The following NTRK3 variants were observed in gnomAD, a reference collection of about 807,000 sequenced individuals.
The protein encoded by NTRK3 is neurotrophic receptor tyrosine kinase 3.
A neutral mutation model predicts 91.7 loss-of-function variants in NTRK3; 24 were observed. That is an observed-to-expected ratio of 0.26 (90% confidence interval 0.19 to 0.37). The LOEUF is 0.37. Among genes scored for constraint, NTRK3 ranks in the 10% least tolerant of loss-of-function variants. NTRK3 has a pLI of 1.00. For missense variants in NTRK3, 880 were observed against 1,068.9 expected (o/e 0.82, Z 2.46); for synonymous variants, 483 against 404.0 (o/e 1.20, Z -2.34).
At chr15:87,932,812 C>A (rs1196572227) in intron 16 of NTRK3, among the ~76,000 whole-genome samples, 200 bp downstream of exon 16, 1 of 152,180 alleles carries the variant, frequency 6.6e-6, no homozygotes, top group Non-Finnish European at 1.5e-5. Context: ...GTATCCTCAA[C>A]TTGTTTTCCC....
intron 17 of NTRK3, among the ~76,000 whole-genome samples, chr15:87,920,351 T>G (rs905029112): frequency 2.0e-5 from 3 of 152,232 alleles, no homozygotes; most frequent in Non-Finnish European, 2.9e-5. Flanking sequence ...TCACCTGAGA[T>G]GTGCATATCA....
chr15:88,256,240 CAA>C (rs2054048056), intron 2 of NTRK3, 42 bp downstream of exon 2: 1 of 443,444 alleles, frequency 2.3e-6, no homozygotes, highest in South Asian at 3.4e-5. Context: ...GGGAAGGAAA[CAA>C]AGACGGCGAG....
intron 14 of NTRK3, among the ~76,000 whole-genome samples, chr15:87,965,205 G>C (rs1022038739): frequency 6.6e-6 from 1 of 152,174 alleles, no homozygotes; most frequent in African/African-American, 2.4e-5. Context: ...TGGGATGGTG[G>C]ATAATTTATG....
At chr15:88,061,058 T>C (rs951290126) in intron 13 of NTRK3, among the ~76,000 whole-genome samples, 7 of 152,128 alleles carry the variant, frequency 4.6e-5, no homozygotes, top group East Asian at 3.9e-4. Context: ...AGGTACTTCA[T>C]TGATTTTTAT....
chr15:88,047,116 C>T (rs1390381106), intron 13 of NTRK3, among the ~76,000 whole-genome samples: 1 of 152,160 alleles, frequency 6.6e-6, no homozygotes, highest in Non-Finnish European at 1.5e-5. Context: ...GCATGCCCAC[C>T]AGCAGACCCT....
rs2141953667 is a variant in NTRK3, at chr15:87,933,010, A to G, written c.1889+2T>C. 1 of 1,614,006 alleles carries G rather than the reference A, an allele frequency of 6.2e-7. No homozygotes were observed. Among genetic ancestry groups the G allele is most frequent in the Non-Finnish European group, 8.5e-7 (1 of 1,179,988 alleles). ...GTGCAGGGGAAGACAATCCTTGCTT[A>G]CCTGAGGAACTTATTCAGGTCTCCA... On this transcript the variant is annotated splice_donor_variant, in intron 16 of 18. Coordinates refer to ENST00000394480, the Ensembl canonical transcript of NTRK3. LOFTEE classifies it high-confidence loss of function.
At chr15:87,884,255 T>C (rs1338408919) in intron 17 of NTRK3, among the ~76,000 whole-genome samples, 1 of 151,580 alleles carries the variant, frequency 6.6e-6, no homozygotes, top group Non-Finnish European at 1.5e-5. Flanking sequence ...TTTGAAAGTA[T>C]ACATGCATTA....
chr15:87,988,477 T>C (rs1178161437), intron 14 of NTRK3, among the ~76,000 whole-genome samples: 1 of 152,208 alleles, frequency 6.6e-6, no homozygotes, highest in East Asian at 1.9e-4. Context: ...AAATGTATCA[T>C]GGTGATATAG....
intron 3 of NTRK3, among the ~76,000 whole-genome samples, chr15:88,236,069 G>A (rs115634065): frequency 0.016 from 2,400 of 152,234 alleles, 69 homozygotes; most frequent in African/African-American, 0.053. Context: ...AAATTTATCA[G>A]ACATCCCAGA....
chr15:88,062,335 A>C (rs574797697), intron 13 of NTRK3, among the ~76,000 whole-genome samples: 15 of 152,372 alleles, frequency 9.8e-5, no homozygotes, highest in Admixed American at 9.1e-4. Context: ...ATTGACTAGC[A>C]GGTGCCTCCT....
chr15:87,958,172 G>T lies in NTRK3; in HGVS notation c.1586-17419C>A, dbSNP rs545135374. On this transcript the variant is annotated intron_variant, in intron 14 of 18. Coordinates refer to ENST00000394480, the Ensembl canonical transcript of NTRK3. ...CAGGGGCATAAAATACTGCATAAAA[G>T]GCGTGTTTCACATACAGGATGAAGA... 2.6e-5 allele frequency among the ~76,000 whole-genome samples: 4 copies of T among 152,274 alleles called. No homozygotes were observed. In the East Asian group the frequency reaches 7.7e-4, roughly 29 times the overall value.
chr15:87,908,273 A>G (rs2066891474), intron 17 of NTRK3, among the ~76,000 whole-genome samples: 1 of 151,940 alleles, frequency 6.6e-6, no homozygotes, highest in Non-Finnish European at 1.5e-5. Context: ...ACCCCCCACC[A>G]TGCTGTCTCC....
chr15:88,141,084 G>T lies in NTRK3; in HGVS notation c.465-3523C>A, dbSNP rs886786782. Among the ~76,000 whole-genome samples the T allele has an allele frequency of 1.8e-4, 27 of 152,240 alleles. 1 individual carries two copies. The highest frequency in any genetic ancestry group is 4.1e-4 in the African/African-American group (17 of 41,540). On this transcript the variant is annotated intron_variant, in intron 6 of 18. Transcript: ENST00000394480. Reference sequence around the variant, plus strand: ...CAGAAAGGAAGAGAGGACACATTACGAATGAGGTTGGGATGGGGGTGAGGC... The same window carrying T: ...CAGAAAGGAAGAGAGGACACATTACTAATGAGGTTGGGATGGGGGTGAGGC...
exon 14 of NTRK3, chr15:88,032,984 G>C (rs2229909): frequency 1.2e-6 from 2 of 1,609,862 alleles, no homozygotes; most frequent in South Asian, 1.1e-5. Flanking sequence ...TGGTGATGCC[G>C]TGGTTGATGT....
intron 5 of NTRK3, among the ~76,000 whole-genome samples, chr15:88,148,308 C>T (rs142578138): frequency 1.6e-3 from 243 of 152,338 alleles, no homozygotes; most frequent in Admixed American, 5.3e-3. Flanking sequence ...ATTGAGGCTA[C>T]ACTGACGAAT....
chr15:88,095,879 A>G (rs975848106), intron 13 of NTRK3, among the ~76,000 whole-genome samples: 1 of 152,170 alleles, frequency 6.6e-6, no homozygotes, highest in Non-Finnish European at 1.5e-5. Flanking sequence ...ACCATAACAC[A>G]TTATCAAAAC....
intron 13 of NTRK3, among the ~76,000 whole-genome samples, chr15:88,046,214 A>G (rs1327895601): frequency 6.6e-6 from 1 of 152,188 alleles, no homozygotes; most frequent in Non-Finnish European, 1.5e-5. Context: ...CTCCCCAGGA[A>G]CTGTAGCAAT....
At chr15:88,170,820 A>T (rs974192238) in intron 5 of NTRK3, among the ~76,000 whole-genome samples, 1 of 152,154 alleles carries the variant, frequency 6.6e-6, no homozygotes, top group East Asian at 1.9e-4. Flanking sequence ...CCTAAGCCCA[A>T]CCCCAGGCAA....
intron 5 of NTRK3, among the ~76,000 whole-genome samples, chr15:88,151,819 T>C (rs2151355538): frequency 6.6e-6 from 1 of 152,316 alleles, no homozygotes; most frequent in African/African-American, 2.4e-5. Context: ...TCTTAGGATT[T>C]GCATGTGTAA....
Sources: gnomAD v4.1 joint callset for allele counts (sites outside exome capture counted in the v4.1 genomes callset) on GRCh38, gnomAD v4.1.1 for gene constraint, MANE v1.5 for transcripts, NCBI Gene and HGNC (gene_info 2026-07-23, HGNC 2026-07-21) for gene names.